C12orf42: variants seen among roughly 807,000 people sequenced by gnomAD.
The protein encoded by C12orf42 is chromosome 12 open reading frame 42.
C12orf42 carries 25 observed loss-of-function variants against 21.6 expected under a neutral mutation model. The observed-to-expected ratio is 1.16, with a 90% CI of 0.84 to 1.62. C12orf42 has a LOEUF of 1.62. Ranked by LOEUF, C12orf42 falls within the 40% of genes most tolerant of loss-of-function variation. C12orf42 has a pLI of 0.00. For missense variants in C12orf42, 483 were observed against 459.3 expected, an observed-to-expected ratio of 1.05 and a Z score of -0.47; for synonymous variants, 174 against 175.0, an observed-to-expected ratio of 0.99 and a Z score of 0.05.
At chr12:103,339,713 G>A (rs2042009603) in intron 4 of C12orf42, among the ~76,000 whole-genome samples, 1 of 152,152 alleles carries the variant, frequency 6.6e-6, no homozygotes, top group Admixed American at 6.5e-5. Context: ...TGAAATTGTG[G>A]AGAAAAAGGA....
chr12:103,091,709 A>C, the C12orf42 span, among the ~76,000 whole-genome samples: 1 of 152,164 alleles, frequency 6.6e-6, no homozygotes, highest in Non-Finnish European at 1.5e-5. Flanking sequence ...GTTGTCCTTC[A>C]TTTAAAAGAC....
chr12:103,499,765 C>T (rs534527093), upstream of C12orf42, among the ~76,000 whole-genome samples: 1 of 152,348 alleles, frequency 6.6e-6, no homozygotes, highest in East Asian at 1.9e-4. Flanking sequence ...GGACTCTATA[C>T]TGCCCTTTGA....
rs142107641 is a variant in C12orf42 at position 103,394,732 on chromosome 12, G to A, written c.147+6875C>T. ...GGTGGCTTTAGTGGGCAGCTTATTG[G>A]GAAGTACAGATGGGGTCGCTTTCCA... On this transcript the variant is annotated intron_variant, in intron 3 of 5. Transcript: ENST00000548883. 5.4e-3 allele frequency among the ~76,000 whole-genome samples: 825 copies of A among 152,250 alleles called. 1 individual carries two copies. Among genetic ancestry groups the A allele is most frequent in the Non-Finnish European group, 7.6e-3 (519 of 68,030 alleles).
chr12:103,468,898 T>C (rs559592337), intron 2 of C12orf42, among the ~76,000 whole-genome samples: 1 of 152,306 alleles, frequency 6.6e-6, no homozygotes, highest in East Asian at 1.9e-4. Context: ...TCATGGTAAT[T>C]TGTTAATGTT....
At chr12:103,391,755 T>G (rs1333409040) in intron 3 of C12orf42, among the ~76,000 whole-genome samples, 1 of 151,804 alleles carries the variant, frequency 6.6e-6, no homozygotes, top group Admixed American at 6.6e-5. Context: ...GATTTACAAC[T>G]ATTTTCTCCC....
At chr12:103,132,830 T>A in the C12orf42 span, among the ~76,000 whole-genome samples, 2 of 152,108 alleles carry the variant, frequency 1.3e-5, no homozygotes, top group African/African-American at 4.8e-5. Flanking sequence ...TCAAATGAAG[T>A]ACACATTCCC....
chr12:103,116,761 GA>G, the C12orf42 span, among the ~76,000 whole-genome samples: 110 of 152,264 alleles, frequency 7.2e-4, 1 homozygote, highest in East Asian at 0.02. Flanking sequence ...TTCACTGTAG[GA>G]AGGTATTTTT....
At chr12:103,333,711 T>C (rs116089350) in intron 4 of C12orf42, among the ~76,000 whole-genome samples, 1 of 152,058 alleles carries the variant, frequency 6.6e-6, no homozygotes, top group Non-Finnish European at 1.5e-5. Context: ...TTTTCAGAGA[T>C]AGAATTTCAA....
chr12:103,547,527 A>T, the C12orf42 span, among the ~76,000 whole-genome samples: 11 of 152,226 alleles, frequency 7.2e-5, no homozygotes, highest in Non-Finnish European at 1.6e-4. Context: ...TCTGTGTGCC[A>T]GGCATTGAAC....
At chr12:103,297,243 T>C (rs1218105999), downstream of C12orf42, among the ~76,000 whole-genome samples, 1 of 152,230 alleles carries the variant, frequency 6.6e-6, no homozygotes, top group Non-Finnish European at 1.5e-5. Context: ...ACCAGTACCA[T>C]GCTGTTTTGG....
At chr12:103,300,032 A>C (rs113955760), downstream of C12orf42, among the ~76,000 whole-genome samples, 1,882 of 152,296 alleles carry the variant, frequency 0.012, 11 homozygotes, top group Non-Finnish European at 0.021. Flanking sequence ...CCTGATTTTT[A>C]CCTCACTAAT....
chr12:103,074,124 G>A, the C12orf42 span, among the ~76,000 whole-genome samples: 2 of 152,144 alleles, frequency 1.3e-5, no homozygotes, highest in African/African-American at 2.4e-5. Flanking sequence ...TTTACGGGGA[G>A]TTAACCTAAG....
chr12:103,227,545 G>C, the C12orf42 span, among the ~76,000 whole-genome samples: 1 of 152,094 alleles, frequency 6.6e-6, no homozygotes, highest in Non-Finnish European at 1.5e-5. Context: ...TGCCGCTAAG[G>C]GTGAAGGAGA....
chr12:103,409,080 T>C (rs927654381), intron 2 of C12orf42, among the ~76,000 whole-genome samples: 1 of 152,188 alleles, frequency 6.6e-6, no homozygotes, highest in African/African-American at 2.4e-5. Context: ...ACTCATTGAA[T>C]TTTTAGGAAC....
chr12:103,068,934 CATATATATATATATATATATAT>C, the C12orf42 span, among the ~76,000 whole-genome samples: 112 of 48,152 alleles, frequency 2.3e-3, 1 homozygote, highest in African/African-American at 3.2e-3. Flanking sequence ...TCTCTCTCCA[CATATATATATATATATATATAT>C]ATATATATAT....
At chr12:103,458,490 G>A (rs1415721674) in intron 2 of C12orf42, among the ~76,000 whole-genome samples, 28 of 152,074 alleles carry the variant, frequency 1.8e-4, no homozygotes, top group Admixed American at 1.8e-3. Flanking sequence ...CTTACTTACT[G>A]TCTCTGCATC....
At chr12:103,401,973 G>T (rs1043595418) in intron 2 of C12orf42, among the ~76,000 whole-genome samples, 2 of 152,126 alleles carry the variant, frequency 1.3e-5, no homozygotes, top group African/African-American at 4.8e-5. Context: ...AGAGAGAGAT[G>T]AAGTATTTTG....
At chr12:103,294,438 GAA>G (rs1300807438) in intron 4 of C12orf42, among the ~76,000 whole-genome samples, 4 of 106,440 alleles carry the variant, frequency 3.8e-5, no homozygotes, top group Admixed American at 8.9e-5. Flanking sequence ...GAGAAAGAAA[GAA>G]AGAAAGAAAG....
chr12:103,214,192 T>G, the C12orf42 span, among the ~76,000 whole-genome samples: 1 of 152,330 alleles, frequency 6.6e-6, no homozygotes, highest in East Asian at 1.9e-4. Context: ...ATAGCTTCCA[T>G]GACTGGATGC....
Sources: allele counts gnomAD v4.1 joint callset (sites outside exome capture counted in the v4.1 genomes callset), GRCh38; gene constraint gnomAD v4.1.1; transcripts MANE v1.5; gene names NCBI Gene and HGNC (gene_info 2026-07-23, HGNC 2026-07-21).